The following TMTC1 variants were observed in gnomAD, a reference collection of about 807,000 sequenced individuals.
The protein encoded by TMTC1 is transmembrane O-mannosyltransferase targeting cadherins 1, also known as protein O-mannosyl-transferase TMTC1.
In TMTC1, 73 loss-of-function variants were observed where a neutral mutation model predicts 104.8. The ratio of observed to expected loss-of-function variants is 0.70; its 90% CI spans 0.58 to 0.85. The LOEUF (loss-of-function observed/expected upper bound fraction) is 0.85, where lower values mean the gene tolerates loss of function less well. Ranked by LOEUF, TMTC1 falls within the 40% of genes least tolerant of loss-of-function variation. The probability of loss-of-function intolerance (pLI) is 0.00; values close to 1 mark genes in which losing one functional copy is unlikely to be tolerated. For missense variants in TMTC1, 1,035 were observed against 1,096.1 expected, an observed-to-expected ratio of 0.94 and a Z score of 0.79; for synonymous variants, 434 against 428.7, an observed-to-expected ratio of 1.01 and a Z score of -0.15.
intron 5 of TMTC1, among the ~76,000 whole-genome samples, chr12:29,656,557 G>A (rs1308985262): frequency 6.6e-6 from 1 of 151,812 alleles, no homozygotes; most frequent in East Asian, 1.9e-4. Flanking sequence ...TTTTCACCAT[G>A]TTGGCCAGGC....
chr12:29,646,153 C>A (rs1475754165), intron 5 of TMTC1, among the ~76,000 whole-genome samples: 1 of 152,146 alleles, frequency 6.6e-6, no homozygotes, highest in Non-Finnish European at 1.5e-5. Flanking sequence ...AAGCACCCGC[C>A]TGAGACCCTG....
At chr12:29,768,646 T>C (rs1339083235) in intron 1 of TMTC1, among the ~76,000 whole-genome samples, 1 of 152,214 alleles carries the variant, frequency 6.6e-6, no homozygotes. Flanking sequence ...TTAGGGAACC[T>C]ACAGGCTATT....
intron 8 of TMTC1, among the ~76,000 whole-genome samples, chr12:29,574,399 G>C (rs1205242697): frequency 6.6e-6 from 1 of 152,108 alleles, no homozygotes; most frequent in Non-Finnish European, 1.5e-5. Flanking sequence ...TTATTCTACA[G>C]ATAAGAAAAT....
intron 5 of TMTC1, among the ~76,000 whole-genome samples, chr12:29,702,214 A>C (rs925140629): frequency 6.6e-6 from 1 of 152,212 alleles, no homozygotes; most frequent in African/African-American, 2.4e-5. Flanking sequence ...TTCTAATATG[A>C]AACATTACAC....
At chr12:29,575,417 C>A (rs556932874) in intron 8 of TMTC1, among the ~76,000 whole-genome samples, 2 of 152,046 alleles carry the variant, frequency 1.3e-5, no homozygotes, top group East Asian at 3.9e-4. Context: ...GAATTCCATA[C>A]AATGTGTTAA....
rs66652706 is a variant in TMTC1 at position 29,668,454 on chromosome 12, C to CTTTTTTTTTTTTTTT, written c.939-35133_939-35119dup. 6.9e-4 allele frequency among the ~76,000 whole-genome samples: 62 copies of CTTTTTTTTTTTTTTT among 90,080 alleles called. 2 individuals carry two copies. Among genetic ancestry groups the CTTTTTTTTTTTTTTT allele is most frequent in the Admixed American group, 3.3e-3 (23 of 6,998 alleles). 59.1% of individuals were successfully genotyped at this position (90,080 alleles called of 152,430 possible). A position where few individuals can be genotyped will look rare whatever the true frequency, so the allele number is the denominator to read the frequency against. Reference sequence around the variant, plus strand: ...CCACATTCAAACCATACCAACTTATCTTTTTTTTTTTTTTTTTTTTTTTTG... The same window carrying CTTTTTTTTTTTTTTT: ...CCACATTCAAACCATACCAACTTATCTTTTTTTTTTTTTTTTTTTTTTTTTTTTTTTTTTTTTTTG... On this transcript the variant is annotated intron_variant, in intron 5 of 17. Transcript: ENST00000539277.
At chr12:29,538,865 T>C (rs1944717109) in intron 10 of TMTC1, among the ~76,000 whole-genome samples, 1 of 152,220 alleles carries the variant, frequency 6.6e-6, no homozygotes, top group South Asian at 2.1e-4. Context: ...GCAAAGACTC[T>C]GGCAGAGAAG....
intron 10 of TMTC1, among the ~76,000 whole-genome samples, chr12:29,541,698 G>A (rs577812613): frequency 3.9e-5 from 5 of 128,970 alleles, no homozygotes; most frequent in South Asian, 4.9e-4. Flanking sequence ...TTGCTCTGTC[G>A]CCCAGGCTGG....
At chr12:29,666,615 T>A (rs1218543651) in intron 5 of TMTC1, among the ~76,000 whole-genome samples, 2 of 152,164 alleles carry the variant, frequency 1.3e-5, no homozygotes, top group Non-Finnish European at 2.9e-5. Context: ...GTTTGGAATG[T>A]GGCAGCAAGT....
rs917724681 is a variant in TMTC1, at chr12:29,701,952, T to C, written c.938+49714A>G. ...TAACTTGGTTAAGCTACTTTCCCTA[T>C]TGAAGATGTGTTTCCCTAATACAAT... On this transcript the variant is annotated intron_variant, in intron 5 of 17. Coordinates refer to ENST00000539277, the MANE Select transcript of TMTC1 (RefSeq NM_001193451.2). Among the ~76,000 whole-genome samples the C allele has an allele frequency of 2.0e-5, 3 of 152,340 alleles. No homozygotes were observed. The East Asian group carries it at 5.8e-4, about 29-fold the overall frequency.
chr12:29,534,432 T>C (rs1944587129), intron 11 of TMTC1: 1 of 152,254 alleles, frequency 6.6e-6, no homozygotes, highest in Non-Finnish European at 1.5e-5. Flanking sequence ...GGGACCTTTG[T>C]GTGTAAGAAA....
chr12:29,596,471 C>T (rs1946407896), intron 7 of TMTC1, among the ~76,000 whole-genome samples: 1 of 152,204 alleles, frequency 6.6e-6, no homozygotes, highest in African/African-American at 2.4e-5. Flanking sequence ...CCTTTCATCA[C>T]TCCTGCTATG....
intron 2 of TMTC1, among the ~76,000 whole-genome samples, chr12:29,766,121 G>A (rs302315): frequency 1.3e-5 from 2 of 151,966 alleles, no homozygotes; most frequent in Non-Finnish European, 2.9e-5. Flanking sequence ...CCACTTAAAG[G>A]CACCTTGCTC....
At position 29,604,033 on chromosome 12, in the gene TMTC1, T is replaced by C. The variant is rs887978385; in HGVS notation, c.1250+145A>G. ...ACATTTGCTCTCATCCAACCTTCTGTGTGGCTGTTTTTAAAGCTGAAATAA... is the reference window on the plus strand; with the variant it reads ...ACATTTGCTCTCATCCAACCTTCTGCGTGGCTGTTTTTAAAGCTGAAATAA... On this transcript the variant is annotated intron_variant, in intron 7 of 17. Transcript: ENST00000539277. 5.5e-6 allele frequency: 6 copies of C among 1,083,470 alleles called. No individual in the cohort carries two copies. The African/African-American group carries it at 9.5e-5, about 17-fold the overall frequency. The allele number at this position is 1,083,470 out of a possible 1,614,324, so 67.1% of individuals were successfully genotyped here. A position where few individuals can be genotyped will look rare whatever the true frequency, so the allele number is the denominator to read the frequency against.
intron 5 of TMTC1, among the ~76,000 whole-genome samples, chr12:29,644,932 C>A (rs1419362986): frequency 6.6e-6 from 1 of 152,106 alleles, no homozygotes; most frequent in African/African-American, 2.4e-5. Context: ...TTGTGACAAG[C>A]CTTCCATATC....
chr12:29,639,748 A>C (rs1938742918), intron 5 of TMTC1, among the ~76,000 whole-genome samples: 1 of 152,220 alleles, frequency 6.6e-6, no homozygotes, highest in Admixed American at 6.5e-5. Flanking sequence ...CTACAATAAA[A>C]TGCATACATA....
At chr12:29,715,404 C>A (rs1942047974) in intron 5 of TMTC1, among the ~76,000 whole-genome samples, 1 of 152,080 alleles carries the variant, frequency 6.6e-6, no homozygotes, top group Non-Finnish European at 1.5e-5. Flanking sequence ...AGATTCACTC[C>A]AGCAATAAAT....
intron 5 of TMTC1, among the ~76,000 whole-genome samples, chr12:29,729,913 C>T (rs1942500963): frequency 6.6e-6 from 1 of 152,178 alleles, no homozygotes; most frequent in Admixed American, 6.5e-5. Flanking sequence ...AGCAGATGCC[C>T]TTCTAAAGGG....
intron 5 of TMTC1, among the ~76,000 whole-genome samples, chr12:29,725,105 C>T (rs1180985142): frequency 7.0e-6 from 1 of 143,788 alleles, no homozygotes; most frequent in African/African-American, 2.6e-5. Context: ...ACTGTAACCT[C>T]CTCATGGGTT....
Sources: allele counts gnomAD v4.1 joint callset (sites outside exome capture counted in the v4.1 genomes callset), GRCh38; gene constraint gnomAD v4.1.1; transcripts MANE v1.5; gene names NCBI Gene and HGNC (gene_info 2026-07-23, HGNC 2026-07-21).